Variants in VASH2 observed in about 807,000 individuals in gnomAD.
VASH2 encodes tubulinyl-Tyr carboxypeptidase 2.
In VASH2, 28 loss-of-function variants were observed where a neutral mutation model predicts 37.2. The ratio of observed to expected loss-of-function variants is 0.75; its 90% CI spans 0.56 to 1.03. The LOEUF (loss-of-function observed/expected upper bound fraction) is 1.03, where lower values mean the gene tolerates loss of function less well. Among genes scored for constraint, VASH2 ranks in the 50% least tolerant of loss-of-function variants. The pLI, the probability that VASH2 is intolerant of heterozygous loss-of-function variation, is 0.00. For synonymous variants in VASH2, 188 were observed against 174.7 expected, an observed-to-expected ratio of 1.08 and a Z score of -0.60; for missense variants, 419 against 459.1, an observed-to-expected ratio of 0.91 and a Z score of 0.80.
At chr1:212,960,488 G>C (rs1572060998) in intron 2 of VASH2, among the ~76,000 whole-genome samples, 2 of 152,330 alleles carry the variant, frequency 1.3e-5, no homozygotes, top group South Asian at 4.1e-4. Flanking sequence ...TGCAGGGAGG[G>C]TGGTATTGAG....
rs2075857834 is a variant in VASH2 at position 212,991,348 on chromosome 1, A to T, written c.*2764A>T. Reference sequence around the variant, plus strand: ...TGTACAACCTTGTACAGTTTTTTTGACATACAATTCAGAACTTTGTTTATT... The same window carrying T: ...TGTACAACCTTGTACAGTTTTTTTGTCATACAATTCAGAACTTTGTTTATT... On this transcript the variant is annotated 3_prime_UTR_variant, in exon 8 of 8. Transcript: ENST00000517399. 6.6e-6 allele frequency: 1 copy of T among 152,180 alleles called. No individual in the cohort carries two copies. Among genetic ancestry groups the T allele is most frequent in the Non-Finnish European group, 1.5e-5 (1 of 68,028 alleles). 9.4% of individuals were successfully genotyped at this position (152,180 alleles called of 1,614,324 possible).
chr1:212,975,641 T>A (rs979853331), intron 7 of VASH2, among the ~76,000 whole-genome samples: 1 of 152,242 alleles, frequency 6.6e-6, no homozygotes, highest in African/African-American at 2.4e-5. Context: ...CTCAGAGGAC[T>A]ATGAACATAG....
Position 212,989,315 on chromosome 1 carries a change from CA to C in VASH2, c.*736del, listed in dbSNP as rs1216338974. On this transcript the variant is annotated 3_prime_UTR_variant, in exon 8 of 8. Transcript: ENST00000517399. ...ATGTTTTTGTTTTTTCAAAATGAAA[CA>C]AAAATATCACATTGAGAAGCTAGTC... 2.0e-5 allele frequency: 3 copies of C among 152,028 alleles called. No homozygotes were observed. The highest frequency in any genetic ancestry group is 7.2e-5 in the African/African-American group (3 of 41,388). The allele number at this position is 152,028 out of a possible 1,614,324, so 9.4% of individuals were successfully genotyped here.
Position 212,950,848 on chromosome 1 carries a change from CT to C in VASH2, c.-205+111del, listed in dbSNP as rs1188642621. 2.6e-5 allele frequency: 4 copies of C among 152,672 alleles called. No homozygotes were observed. The highest frequency in any genetic ancestry group is 5.9e-5 in the Non-Finnish European group (4 of 68,126). The allele number at this position is 152,672 out of a possible 1,614,324, so 9.5% of individuals were successfully genotyped here. Reference sequence around the variant, plus strand: ...CGGGGAAAAGGGGGCGGATGGAGCTCTTTCCACTAGATCCCCGCCGGGGTCC... The same window carrying C: ...CGGGGAAAAGGGGGCGGATGGAGCTCTTCCACTAGATCCCCGCCGGGGTCC... On this transcript the variant is annotated intron_variant, in intron 1 of 7. Transcript: ENST00000517399. The surrounding 1 kb of genome is among the most constrained non-coding windows in gnomAD (Gnocchi z 5.5).
intron 7 of VASH2, among the ~76,000 whole-genome samples, chr1:212,986,689 T>C (rs1323448600): frequency 6.6e-6 from 1 of 152,086 alleles, no homozygotes; most frequent in Non-Finnish European, 1.5e-5. Context: ...ATGCAGAGGC[T>C]GGAGGACACC....
At chr1:212,968,646 C>T (rs1666918670) in intron 5 of VASH2, 1 of 985,466 alleles carries the variant, frequency 1.0e-6, no homozygotes, top group South Asian at 4.7e-5. Flanking sequence ...AAACATGTGC[C>T]TGGGGAACCC....
chr1:212,982,110 C>T (rs575697862), intron 7 of VASH2, among the ~76,000 whole-genome samples: 10 of 152,210 alleles, frequency 6.6e-5, no homozygotes, highest in South Asian at 2.1e-4. Context: ...GAGCACCCTC[C>T]GTCCAGCTGG....
At chr1:212,967,322 CA>C in intron 5 of VASH2, 1 of 1,236,984 alleles carries the variant, frequency 8.1e-7, no homozygotes, top group South Asian at 1.4e-5. Context: ...GAATCACCCA[CA>C]ACCCTTTGAA....
Position 212,961,559 on chromosome 1 carries a change from C to T in VASH2, c.365+305C>T, listed in dbSNP as rs552791642. Among the ~76,000 whole-genome samples, 3 of 152,280 alleles carry T rather than the reference C, an allele frequency of 2.0e-5. No individual in the cohort carries two copies. The East Asian group carries it at 5.8e-4, about 29-fold the overall frequency. ...CCTTCTATCTTCTCCTCTTTCTCCA[C>T]TTCCTTTCTCTTGGGCATCTTTGTT... On this transcript the variant is annotated intron_variant, in intron 3 of 7. Coordinates refer to ENST00000517399, the MANE Select transcript of VASH2 (RefSeq NM_001301056.2).
intron 2 of VASH2, 38 bp from the exon 3 acceptor site, chr1:212,961,128 T>G: frequency 6.2e-7 from 1 of 1,607,742 alleles, no homozygotes; most frequent in Non-Finnish European, 8.5e-7. Flanking sequence ...CCAGAGCGCC[T>G]CCTTCATAAA....
In VASH2 at chr1:212,961,815, C is replaced by G. The variant is rs115928115; in HGVS notation, c.365+561C>G. ...ACAGAGTTTCACCATGTTAGTCAGG[C>G]TGGCCTGGAACTTACCTCAAGTGAT... On this transcript the variant is annotated intron_variant, in intron 3 of 7. Transcript: ENST00000517399. Among the ~76,000 whole-genome samples, 413 of 152,328 alleles carry G rather than the reference C, an allele frequency of 2.7e-3. 2 individuals carry two copies. Among genetic ancestry groups the G allele is most frequent in the African/African-American group, 9.6e-3 (398 of 41,574 alleles).
At chr1:212,981,640 C>T (rs1044717069) in intron 7 of VASH2, among the ~76,000 whole-genome samples, 11 of 152,344 alleles carry the variant, frequency 7.2e-5, no homozygotes, top group African/African-American at 2.4e-4. Flanking sequence ...CACTTCCCTT[C>T]CTGGACTCCC....
intron 7 of VASH2, among the ~76,000 whole-genome samples, chr1:212,981,225 CT>C (rs1243593467): frequency 1.3e-5 from 2 of 152,246 alleles, no homozygotes; most frequent in Non-Finnish European, 2.9e-5. Context: ...TGAAAAATCT[CT>C]TCTGGGCCGA....
At position 212,966,321 on chromosome 1, in the gene VASH2, G is replaced by A; in HGVS notation, c.473G>A (p.Cys158Tyr). 1 of 1,551,734 alleles carries A rather than the reference G, an allele frequency of 6.4e-7. No homozygotes were observed. The highest frequency in any genetic ancestry group is 8.7e-7 in the Non-Finnish European group (1 of 1,147,004). Reference sequence around the variant, plus strand: ...ACCCGAGAGTCCTTGCCTATCAAATGCCTTGAAGCTGTCATCCTGGGCATG... The same window carrying A: ...ACCCGAGAGTCCTTGCCTATCAAATACCTTGAAGCTGTCATCCTGGGCATG... Reference protein sequence around the residue: ...EMTRESLPIKCLEAVILGIYL... With the variant: ...EMTRESLPIKYLEAVILGIYL... The change falls in exon 5 of 8, where the codon TGC becomes TAC. Residue 158 changes from cysteine (C) to tyrosine (Y), a missense_variant. By Grantham distance (194) the Cys-to-Tyr change is radical. Coordinates refer to ENST00000517399, the MANE Select transcript of VASH2 (RefSeq NM_001301056.2).
chr1:212,979,404 G>A (rs1344394828), intron 7 of VASH2, among the ~76,000 whole-genome samples: 6 of 152,192 alleles, frequency 3.9e-5, no homozygotes, highest in Admixed American at 1.3e-4. Context: ...AGGCCATCGC[G>A]TCATTTCTAA....
chr1:212,964,713 A>G (rs1325862200), intron 3 of VASH2, among the ~76,000 whole-genome samples: 1 of 151,950 alleles, frequency 6.6e-6, no homozygotes, highest in Non-Finnish European at 1.5e-5. Flanking sequence ...AAGCCCTGCT[A>G]CAGAGTCTAT....
intron 3 of VASH2, among the ~76,000 whole-genome samples, chr1:212,962,752 A>G (rs1216251751): frequency 2.0e-5 from 3 of 152,200 alleles, no homozygotes; most frequent in African/African-American, 7.2e-5. Context: ...AGGAGGAGGT[A>G]GCGCCGGTCT....
At chr1:212,960,114 G>A (rs901730071) in intron 2 of VASH2, among the ~76,000 whole-genome samples, 4 of 152,352 alleles carry the variant, frequency 2.6e-5, no homozygotes, top group Middle Eastern at 6.8e-3. Context: ...TTGATTGGAC[G>A]TCCCTGTCTG....
intron 4 of VASH2, 86 bp downstream of exon 4, chr1:212,965,864 C>T (rs1666825616): frequency 1.5e-6 from 2 of 1,341,422 alleles, no homozygotes; most frequent in South Asian, 2.5e-5. Context: ...ATTCCCGTAG[C>T]CCATGGCTCA....
Sources: allele counts gnomAD v4.1 joint callset (sites outside exome capture counted in the v4.1 genomes callset), GRCh38; gene constraint gnomAD v4.1.1; non-coding constraint Gnocchi (gnomAD v3.1); transcripts MANE v1.5; gene names NCBI Gene and HGNC (gene_info 2026-07-23, HGNC 2026-07-21).